Variants in BBS9 observed in about 807,000 individuals in gnomAD.
BBS9 encodes Bardet-Biedl syndrome 9.
BBS9 carries 89 observed loss-of-function variants against 117.7 expected under a neutral mutation model. The ratio of observed to expected loss-of-function variants is 0.76; its 90% CI spans 0.64 to 0.90. BBS9 has a LOEUF of 0.90. Ranked by LOEUF, BBS9 falls within the 40% of genes least tolerant of loss-of-function variation. BBS9 has a pLI of 0.00. For synonymous variants in BBS9, 379 were observed against 370.9 expected (o/e 1.02, Z -0.25); for missense variants, 982 against 1,042.2 (o/e 0.94, Z 0.80).
chr7:33,389,162 A>G (rs1487842542), intron 19 of BBS9, among the ~76,000 whole-genome samples: 1 of 152,126 alleles, frequency 6.6e-6, no homozygotes, highest in Non-Finnish European at 1.5e-5. Context: ...ATTAAGTTGT[A>G]TACAATTTTA....
At chr7:33,132,188 G>C (rs1789716315) in intron 1 of BBS9, among the ~76,000 whole-genome samples, 1 of 152,220 alleles carries the variant, frequency 6.6e-6, no homozygotes, top group East Asian at 1.9e-4. Flanking sequence ...TAGTCTACAT[G>C]GAGGGGCGTG....
intron 16 of BBS9, among the ~76,000 whole-genome samples, chr7:33,359,525 T>C (rs1481715283): frequency 1.3e-5 from 2 of 152,068 alleles, no homozygotes; most frequent in Non-Finnish European, 2.9e-5. Flanking sequence ...CAATGACAAA[T>C]TTTTAAAAAT....
At chr7:33,471,677 G>T (rs1841054760) in intron 19 of BBS9, among the ~76,000 whole-genome samples, 1 of 152,228 alleles carries the variant, frequency 6.6e-6, no homozygotes, top group Non-Finnish European at 1.5e-5. Flanking sequence ...GCTGTATAGA[G>T]CCCAACAGCC....
chr7:33,478,572 T>C (rs1842104490), intron 19 of BBS9, among the ~76,000 whole-genome samples: 1 of 152,186 alleles, frequency 6.6e-6, no homozygotes, highest in African/African-American at 2.4e-5. Context: ...AAAAGCACAT[T>C]AAGTGTAATT....
chr7:33,595,372 C>A (rs1164143059), intron 21 of BBS9, among the ~76,000 whole-genome samples: 3 of 152,064 alleles, frequency 2.0e-5, no homozygotes, highest in Non-Finnish European at 4.4e-5. Flanking sequence ...AAAAAGTGGG[C>A]AAAGGATACA....
At chr7:33,412,244 T>G (rs934369519) in intron 19 of BBS9, among the ~76,000 whole-genome samples, 3 of 152,200 alleles carry the variant, frequency 2.0e-5, no homozygotes, top group Non-Finnish European at 4.4e-5. Flanking sequence ...ACAATTTAGT[T>G]GAATTGGATT....
At chr7:33,563,845 G>T (rs150895238) in intron 21 of BBS9, among the ~76,000 whole-genome samples, 16 of 152,286 alleles carry the variant, frequency 1.1e-4, no homozygotes, top group African/African-American at 3.8e-4. Context: ...CATGAGATGC[G>T]AAGTGCGAGC....
intron 6 of BBS9, among the ~76,000 whole-genome samples, chr7:33,261,744 C>T (rs540955408): frequency 1.3e-5 from 2 of 152,342 alleles, no homozygotes; most frequent in Admixed American, 6.5e-5. Context: ...TATTGGTGCA[C>T]TACAGGACCT....
intron 19 of BBS9, among the ~76,000 whole-genome samples, chr7:33,478,505 G>C (rs1016452205): frequency 6.6e-6 from 1 of 152,138 alleles, no homozygotes; most frequent in African/African-American, 2.4e-5. Context: ...AGGTGCAGTA[G>C]AGTTAAAACT....
chr7:33,460,194 G>A (rs1839251113), intron 19 of BBS9, among the ~76,000 whole-genome samples: 2 of 152,054 alleles, frequency 1.3e-5, no homozygotes, highest in African/African-American at 4.8e-5. Flanking sequence ...GATGAACCTG[G>A]CTAAAAGAGT....
intron 19 of BBS9, among the ~76,000 whole-genome samples, chr7:33,420,467 C>T (rs1272713445): frequency 1.3e-5 from 2 of 152,112 alleles, no homozygotes; most frequent in East Asian, 1.9e-4. Context: ...GCACCAGACA[C>T]GGGGACACTA....
intron 13 of BBS9, among the ~76,000 whole-genome samples, chr7:33,351,004 T>C (rs918684107): frequency 6.6e-6 from 1 of 152,230 alleles, no homozygotes; most frequent in Non-Finnish European, 1.5e-5. Flanking sequence ...TTAGGCAAGC[T>C]TCTTAATCTC....
intron 21 of BBS9, among the ~76,000 whole-genome samples, chr7:33,590,228 A>C (rs1861610737): frequency 6.6e-6 from 1 of 152,076 alleles, no homozygotes; most frequent in Non-Finnish European, 1.5e-5. Context: ...GAAAGGAAAA[A>C]AGAAGAGTTG....
In BBS9 at chr7:33,188,581, A is replaced by G. The variant is rs189011724; in HGVS notation, c.442+10990A>G. Among the ~76,000 whole-genome samples, 996 of 152,338 alleles carry G rather than the reference A, an allele frequency of 6.5e-3. 13 individuals are homozygous for G. The highest frequency in any genetic ancestry group is 0.041 in the South Asian group (198 of 4,828). The stretch of plus-strand genomic sequence containing the variant: ...GGAACTAGCACAGAGATTAAGGAAT[A>G]TAAATTTAGAGACAGAAGAGCATGG... On this transcript the variant is annotated intron_variant, in intron 5 of 22. Transcript: ENST00000242067.
chr7:33,602,868 G>A (rs994264534), intron 21 of BBS9, among the ~76,000 whole-genome samples: 3 of 152,198 alleles, frequency 2.0e-5, no homozygotes, highest in African/African-American at 4.8e-5. Flanking sequence ...GAGCACCAGG[G>A]CAGGGCACCT....
intron 9 of BBS9, among the ~76,000 whole-genome samples, chr7:33,305,137 T>TA (rs75957203): frequency 0.013 from 1,867 of 139,194 alleles, 25 homozygotes; most frequent in South Asian, 0.043. Context: ...CAATAAATAT[T>TA]AAAAAAAAAA....
At chr7:33,317,913 G>A (rs1810876717) in intron 9 of BBS9, among the ~76,000 whole-genome samples, 1 of 152,144 alleles carries the variant, frequency 6.6e-6, no homozygotes. Flanking sequence ...AGCTGGGGAT[G>A]GTGGTGTGTC....
Position 33,605,314 on chromosome 7 carries a change from G to C in BBS9, c.*88G>C. Reference sequence around the variant, plus strand: ...TCATGCCAAGCACAGATATAGGGCTGGCGCAGGTGCTTCCTAAAGCTCACC... The same window carrying C: ...TCATGCCAAGCACAGATATAGGGCTCGCGCAGGTGCTTCCTAAAGCTCACC... On this transcript the variant is annotated 3_prime_UTR_variant, in exon 23 of 23. Transcript: ENST00000242067. The C allele has an allele frequency of 7.1e-7, 1 of 1,402,798 alleles. No individual in the cohort carries two copies. The allele number at this position is 1,402,798 out of a possible 1,614,324, so 86.9% of individuals were successfully genotyped here.
intron 21 of BBS9, among the ~76,000 whole-genome samples, chr7:33,554,665 T>C (rs1291130662): frequency 6.6e-6 from 1 of 152,086 alleles, no homozygotes; most frequent in African/African-American, 2.4e-5. Context: ...AGAGGCCTAG[T>C]TGGCACCCAG....
Sources: gnomAD v4.1 joint callset for allele counts (sites outside exome capture counted in the v4.1 genomes callset) on GRCh38, gnomAD v4.1.1 for gene constraint, MANE v1.5 for transcripts, NCBI Gene and HGNC (gene_info 2026-07-23, HGNC 2026-07-21) for gene names.